The following CD226 variants were observed in gnomAD, a reference collection of about 807,000 sequenced individuals.
CD226 encodes CD226 molecule.
A neutral mutation model predicts 34.9 loss-of-function variants in CD226; 24 were observed. That is an observed-to-expected ratio of 0.69 (90% CI 0.50 to 0.97). CD226 has a LOEUF of 0.97. Ranked by LOEUF, CD226 falls within the 50% of genes least tolerant of loss-of-function variation. CD226 has a pLI of 0.00. For missense variants in CD226, 397 were observed against 412.7 expected, an observed-to-expected ratio of 0.96 and a Z score of 0.33; for synonymous variants, 148 against 147.4, an observed-to-expected ratio of 1.00 and a Z score of -0.03.
At chr18:69,915,336 C>A (rs1340208268) in intron 2 of CD226, among the ~76,000 whole-genome samples, 1 of 152,108 alleles carries the variant, frequency 6.6e-6, no homozygotes, top group African/African-American at 2.4e-5. Context: ...ATATAACTAA[C>A]CAAAGGTCCT....
chr18:69,932,009 G>A (rs996266896), intron 2 of CD226, among the ~76,000 whole-genome samples: 3 of 152,128 alleles, frequency 2.0e-5, no homozygotes, highest in African/African-American at 7.2e-5. Flanking sequence ...GACCCTCTGT[G>A]TCCTAATCTC....
intron 3 of CD226, among the ~76,000 whole-genome samples, chr18:69,879,685 G>A (rs1351064650): frequency 6.6e-6 from 1 of 152,230 alleles, no homozygotes; most frequent in Non-Finnish European, 1.5e-5. Flanking sequence ...AGCTTACGAA[G>A]ATGACGGGAT....
In CD226 at chr18:69,862,096, C is replaced by T. The variant is rs1321415643; in HGVS notation, c.*2218G>A. ...CAAATGTTCTGGAGGCTTTGCAATA[C>T]TGCAGTGGTTTGCTACAAAAGTCTT... On this transcript the variant is annotated 3_prime_UTR_variant, in exon 6 of 6. Coordinates refer to ENST00000582621, the MANE Select transcript of CD226 (RefSeq NM_001303618.2). 4.6e-5 allele frequency: 7 copies of T among 152,150 alleles called. No homozygotes were observed. The highest frequency in any genetic ancestry group is 1.5e-5 in the Non-Finnish European group (1 of 67,992). 9.4% of individuals were successfully genotyped at this position (152,150 alleles called of 1,614,324 possible). A position where few individuals can be genotyped will look rare whatever the true frequency, so the allele number is the denominator to read the frequency against.
At chr18:69,942,179 T>C (rs893213935) in intron 2 of CD226, among the ~76,000 whole-genome samples, 2 of 152,212 alleles carry the variant, frequency 1.3e-5, no homozygotes, top group Non-Finnish European at 2.9e-5. Context: ...TCTTAAGTAT[T>C]TCTTCACAGC....
At chr18:69,936,899 C>A (rs1240253320) in intron 2 of CD226, among the ~76,000 whole-genome samples, 16 of 152,218 alleles carry the variant, frequency 1.1e-4, no homozygotes, top group Admixed American at 9.8e-4. Flanking sequence ...AAGACTCTTT[C>A]TCTGTGGCCT....
At chr18:69,880,575 T>A (rs117797178) in intron 3 of CD226, among the ~76,000 whole-genome samples, 3,685 of 151,038 alleles carry the variant, frequency 0.024, 85 homozygotes, top group Admixed American at 0.051. Context: ...TGCAAGAGAA[T>A]GGGGAGGGAG....
rs762053461 is a variant in CD226, at chr18:69,854,156, G to C, written c.*10158C>G. ...CCATGCTTATAACAAGACAAAGCTG[G>C]AAAGTTGGAAAGCTGAAAATCAATG... On this transcript the variant is annotated 3_prime_UTR_variant, in exon 6 of 6. Transcript: ENST00000582621. The C allele has an allele frequency of 6.6e-6, 1 of 152,210 alleles. No homozygotes were observed. Among genetic ancestry groups the C allele is most frequent in the Non-Finnish European group, 1.5e-5 (1 of 68,048 alleles). The allele number at this position is 152,210 out of a possible 1,614,324, so 9.4% of individuals were successfully genotyped here. A position where few individuals can be genotyped will look rare whatever the true frequency, so the allele number is the denominator to read the frequency against.
intron 2 of CD226, among the ~76,000 whole-genome samples, chr18:69,912,908 A>G (rs922012894): frequency 2.6e-5 from 4 of 152,182 alleles, no homozygotes; most frequent in Non-Finnish European, 5.9e-5. Context: ...CAGCTTTAGG[A>G]AAGGAACCAC....
chr18:69,865,484 G>A lies in CD226; in HGVS notation c.886-1045C>T, dbSNP rs571073294. On this transcript the variant is annotated intron_variant, in intron 5 of 5. Transcript: ENST00000582621. ...AAAAGTTGGATACCTAATATAGACC[G>A]TTGCAAAGCTCCCTTTCATTCCCCA... 3.3e-5 allele frequency among the ~76,000 whole-genome samples: 5 copies of A among 150,748 alleles called. No individual in the cohort carries two copies. In the South Asian group the frequency reaches 6.4e-4, roughly 19 times the overall value.
Position 69,855,655 on chromosome 18 carries a change from A to C in CD226, c.*8659T>G, listed in dbSNP as rs1982590302. On this transcript the variant is annotated 3_prime_UTR_variant, in exon 6 of 6. Coordinates refer to ENST00000582621, the MANE Select transcript of CD226 (RefSeq NM_001303618.2). ...AAAAAAAGAGGGGAAAAGGAGAAAA[A>C]CCTAGGTTGATCAATGAAAGATATG... 6.6e-6 allele frequency: 1 copy of C among 152,058 alleles called. No individual in the cohort carries two copies. The highest frequency in any genetic ancestry group is 6.6e-5 in the Admixed American group (1 of 15,260). 9.4% of individuals were successfully genotyped at this position (152,058 alleles called of 1,614,324 possible).
intron 2 of CD226, among the ~76,000 whole-genome samples, chr18:69,935,710 T>C (rs370978847): frequency 5.3e-5 from 8 of 152,138 alleles, no homozygotes; most frequent in East Asian, 1.9e-4. Flanking sequence ...CCAAGAACTG[T>C]GTAGTTTCCA....
At chr18:69,880,072 A>T (rs1279379304) in intron 3 of CD226, among the ~76,000 whole-genome samples, 1 of 152,046 alleles carries the variant, frequency 6.6e-6, no homozygotes, top group Non-Finnish European at 1.5e-5. Flanking sequence ...CTCTTTGTTT[A>T]TATGCTCTGC....
chr18:69,886,534 C>A (rs1286023119), intron 3 of CD226, among the ~76,000 whole-genome samples: 1 of 151,890 alleles, frequency 6.6e-6, no homozygotes, highest in Non-Finnish European at 1.5e-5. Context: ...GGTGAAACCC[C>A]GTCTCTTCTA....
chr18:69,854,879 T>A lies in CD226; in HGVS notation c.*9435A>T, dbSNP rs189529069. 6.6e-6 allele frequency: 1 copy of A among 152,380 alleles called. No individual in the cohort carries two copies. Among genetic ancestry groups the A allele is most frequent in the East Asian group, 1.9e-4 (1 of 5,180 alleles). The allele number at this position is 152,380 out of a possible 1,614,324, so 9.4% of individuals were successfully genotyped here. A position where few individuals can be genotyped will look rare whatever the true frequency, so the allele number is the denominator to read the frequency against. On this transcript the variant is annotated 3_prime_UTR_variant, in exon 6 of 6. Coordinates refer to ENST00000582621, the MANE Select transcript of CD226 (RefSeq NM_001303618.2). The stretch of plus-strand genomic sequence containing the variant: ...AACAGTGAATTGCAGAGGAAAGAGC[T>A]GAAAGACAGAAAGTCTCTCTGAAGA...
intron 2 of CD226, among the ~76,000 whole-genome samples, chr18:69,935,452 A>G (rs912841880): frequency 3.3e-5 from 5 of 152,218 alleles, no homozygotes; most frequent in East Asian, 1.9e-4. Context: ...GAGGAGTCTC[A>G]ACGTGTGTGG....
intron 2 of CD226, among the ~76,000 whole-genome samples, chr18:69,940,172 C>T (rs2055705657): frequency 6.6e-6 from 1 of 152,172 alleles, no homozygotes; most frequent in African/African-American, 2.4e-5. Flanking sequence ...GACATATTTG[C>T]TTCCCCTTCC....
intron 3 of CD226, among the ~76,000 whole-genome samples, chr18:69,889,813 A>G (rs1489460532): frequency 6.6e-6 from 1 of 152,180 alleles, no homozygotes; most frequent in East Asian, 1.9e-4. Context: ...CCCAGAGGAA[A>G]TATCTGGGAA....
At position 69,861,872 on chromosome 18, in the gene CD226, C is replaced by T. The variant is rs1982848358; in HGVS notation, c.*2442G>A. ...TGAATGGAATTTCACAAGCATTACCCCTGAGGGTATAACAGGAGCATCAGA... is the reference window on the plus strand; with the variant it reads ...TGAATGGAATTTCACAAGCATTACCTCTGAGGGTATAACAGGAGCATCAGA... On this transcript the variant is annotated 3_prime_UTR_variant, in exon 6 of 6. Coordinates refer to ENST00000582621, the MANE Select transcript of CD226 (RefSeq NM_001303618.2). 1 of 151,946 alleles carries T rather than the reference C, an allele frequency of 6.6e-6. No homozygotes were observed. The allele number at this position is 151,946 out of a possible 1,614,324, so 9.4% of individuals were successfully genotyped here. A position where few individuals can be genotyped will look rare whatever the true frequency, so the allele number is the denominator to read the frequency against.
chr18:69,855,796 T>C lies in CD226; in HGVS notation c.*8518A>G, dbSNP rs571514529. The C allele has an allele frequency of 2.6e-5, 4 of 152,278 alleles. No homozygotes were observed. The East Asian group carries it at 7.7e-4, about 29-fold the overall frequency. 9.4% of individuals were successfully genotyped at this position (152,278 alleles called of 1,614,324 possible). A position where few individuals can be genotyped will look rare whatever the true frequency, so the allele number is the denominator to read the frequency against. On this transcript the variant is annotated 3_prime_UTR_variant, in exon 6 of 6. Transcript: ENST00000582621. ...ATAGAAAAGTTACAAACATAGTAGA[T>C]ATTAATCCAACTATATCAATAATCA...
Sources: allele counts gnomAD v4.1 joint callset (sites outside exome capture counted in the v4.1 genomes callset), GRCh38; gene constraint gnomAD v4.1.1; transcripts MANE v1.5; gene names NCBI Gene and HGNC (gene_info 2026-07-23, HGNC 2026-07-21).